Variants in HDAC9 observed in about 807,000 individuals in gnomAD.
The protein encoded by HDAC9 is histone deacetylase 9, also known as MEF-2 interacting transcription repressor (MITR) protein.
HDAC9 carries 41 observed loss-of-function variants against 139.4 expected under a neutral mutation model. That is an observed-to-expected ratio of 0.29 (90% CI 0.23 to 0.38). The LOEUF is 0.38. Ranked by LOEUF, HDAC9 falls within the 10% of genes least tolerant of loss-of-function variation. The pLI is 1.00. For missense variants in HDAC9, 1,147 were observed against 1,297.0 expected, an observed-to-expected ratio of 0.88 and a Z score of 1.78; for synonymous variants, 517 against 476.2, an observed-to-expected ratio of 1.09 and a Z score of -1.12.
At position 18,384,441 on chromosome 7, in the gene HDAC9, T is replaced by A. The variant is rs1359574991; in HGVS notation, c.-42+93926T>A. ...GGTTATTTTATTGTATTTTTTACTT[T>A]CTATATTATTTAATTCTGAAAGGGA... is the stretch of plus-strand genomic sequence containing the variant. On this transcript the variant is annotated intron_variant, in intron 1 of 3. Coordinates refer to the HDAC9 transcript ENST00000413509. Among the ~76,000 whole-genome samples, 4 of 152,248 alleles carry A rather than the reference T, an allele frequency of 2.6e-5. No individual in the cohort carries two copies. The East Asian group carries it at 5.8e-4, about 22-fold the overall frequency.
chr7:18,550,248 A>G (rs182974779), intron 2 of HDAC9, among the ~76,000 whole-genome samples: 1 of 152,128 alleles, frequency 6.6e-6, no homozygotes, highest in African/African-American at 2.4e-5. Flanking sequence ...TGCCCTACCA[A>G]CCTGTTCTGC....
intron 1 of HDAC9, among the ~76,000 whole-genome samples, chr7:18,353,728 C>T (rs754840930): frequency 1.8e-4 from 27 of 152,222 alleles, no homozygotes; most frequent in Admixed American, 3.9e-4. Flanking sequence ...TGAAAGATCT[C>T]GAGCTATTTT....
intron 2 of HDAC9, among the ~76,000 whole-genome samples, chr7:18,179,217 A>G (rs1789192737): frequency 6.6e-6 from 1 of 152,230 alleles, no homozygotes; most frequent in Non-Finnish European, 1.5e-5. Flanking sequence ...TCACACACAT[A>G]GCAAGTATGT....
chr7:18,564,934 C>T (rs181597005), intron 2 of HDAC9, among the ~76,000 whole-genome samples: 167 of 151,278 alleles, frequency 1.1e-3, no homozygotes, highest in Non-Finnish European at 2.0e-3. Context: ...ATTTCAAATG[C>T]CTAAGCCAGC....
intron 23 of HDAC9, chr7:18,949,464 G>T: frequency 4.6e-6 from 1 of 219,594 alleles, no homozygotes; most frequent in South Asian, 7.7e-5. Flanking sequence ...TCAACCATAA[G>T]ACCATAGGTG....
rs1438927219 is a variant in HDAC9, at chr7:18,170,556, C to T, written c.25+8207C>T. ...TGAATGGTATTGCCTAGGTTTTCTT[C>T]TAGGGTTTTTTTTATGGTTTTAGGT... On this transcript the variant is annotated intron_variant, in intron 2 of 12. Transcript: ENST00000417496. Among the ~76,000 whole-genome samples the T allele has an allele frequency of 4.9e-5, 6 of 123,680 alleles. No individual in the cohort carries two copies. The South Asian group carries it at 1.7e-3, about 35-fold the overall frequency. 81.1% of individuals were successfully genotyped at this position (123,680 alleles called of 152,430 possible).
At chr7:18,641,489 T>A (rs1010095228) in intron 8 of HDAC9, among the ~76,000 whole-genome samples, 1 of 152,120 alleles carries the variant, frequency 6.6e-6, no homozygotes, top group African/African-American at 2.4e-5. Context: ...ACACCATTAA[T>A]CTAAGACAGA....
chr7:18,173,305 G>A (rs1788598338), intron 2 of HDAC9, among the ~76,000 whole-genome samples: 1 of 152,068 alleles, frequency 6.6e-6, no homozygotes, highest in African/African-American at 2.4e-5. Flanking sequence ...CATTTGCTTG[G>A]TAGATCTTCC....
chr7:18,712,915 G>T (rs1192034154), intron 12 of HDAC9, among the ~76,000 whole-genome samples: 1 of 152,114 alleles, frequency 6.6e-6, no homozygotes, highest in Non-Finnish European at 1.5e-5. Flanking sequence ...GATTTACTTT[G>T]TTTCTATTGA....
intron 1 of HDAC9, among the ~76,000 whole-genome samples, chr7:18,445,893 C>T (rs1316573846): frequency 6.6e-6 from 1 of 152,202 alleles, no homozygotes; most frequent in Non-Finnish European, 1.5e-5. Flanking sequence ...TTCTATTTAA[C>T]CTTTTGAACA....
At chr7:18,787,919 CA>C (rs1247929172) in intron 16 of HDAC9, among the ~76,000 whole-genome samples, 3 of 152,186 alleles carry the variant, frequency 2.0e-5, no homozygotes, top group Non-Finnish European at 4.4e-5. Context: ...ACTGTCTTTT[CA>C]AGATCACCTT....
chr7:18,527,123 C>T (rs1337968837), intron 2 of HDAC9, among the ~76,000 whole-genome samples: 1 of 152,098 alleles, frequency 6.6e-6, no homozygotes, highest in Non-Finnish European at 1.5e-5. Flanking sequence ...ACATGATCCT[C>T]AGGCCCTGTT....
chr7:18,403,730 A>G (rs943777090), intron 1 of HDAC9, among the ~76,000 whole-genome samples: 9 of 152,228 alleles, frequency 5.9e-5, no homozygotes, highest in Non-Finnish European at 4.4e-5. Flanking sequence ...TGAGCAAGGC[A>G]AAAACAGTTC....
At chr7:18,223,724 C>A (rs1792864831) in intron 2 of HDAC9, among the ~76,000 whole-genome samples, 1 of 152,024 alleles carries the variant, frequency 6.6e-6, no homozygotes. Context: ...TATATATGCA[C>A]ATGTGTCTAC....
At chr7:18,234,289 A>G (rs897027409) in intron 2 of HDAC9, among the ~76,000 whole-genome samples, 2 of 152,214 alleles carry the variant, frequency 1.3e-5, no homozygotes, top group African/African-American at 4.8e-5. Flanking sequence ...ATTGTATTTA[A>G]AATTGTGAAT....
chr7:18,186,011 T>C (rs1789885684), intron 2 of HDAC9, among the ~76,000 whole-genome samples: 1 of 152,234 alleles, frequency 6.6e-6, no homozygotes, highest in African/African-American at 2.4e-5. Flanking sequence ...CTAAGTGTAT[T>C]AAGTACTTTA....
intron 11 of HDAC9, among the ~76,000 whole-genome samples, chr7:18,658,916 AAAC>A (rs751673776): frequency 4.0e-5 from 6 of 151,366 alleles, no homozygotes; most frequent in Non-Finnish European, 7.4e-5. Flanking sequence ...AAAAAAAACA[AAAC>A]AACAACAACA....
chr7:18,293,415 A>G (rs1797945445), intron 1 of HDAC9, among the ~76,000 whole-genome samples: 1 of 152,126 alleles, frequency 6.6e-6, no homozygotes, highest in East Asian at 1.9e-4. Context: ...AGGACAAAAA[A>G]CCAAACACCG....
At chr7:18,287,137 T>G (rs943917561), upstream of HDAC9, among the ~76,000 whole-genome samples, 2 of 152,194 alleles carry the variant, frequency 1.3e-5, no homozygotes, top group African/African-American at 4.8e-5. Flanking sequence ...TTTTTCTGAG[T>G]GTATTTAAAG....
Sources: gnomAD v4.1 joint callset for allele counts (sites outside exome capture counted in the v4.1 genomes callset) on GRCh38, gnomAD v4.1.1 for gene constraint, MANE v1.5 for transcripts, NCBI Gene and HGNC (gene_info 2026-07-23, HGNC 2026-07-21) for gene names.